TIAM1: variants seen among roughly 807,000 people sequenced by gnomAD.
TIAM1 encodes the protein rho guanine nucleotide exchange factor TIAM1.
A neutral mutation model predicts 163.5 loss-of-function variants in TIAM1; 65 were observed. The observed-to-expected ratio is 0.40, with a 90% CI of 0.33 to 0.49. The LOEUF is 0.49. Among genes scored for constraint, TIAM1 ranks in the 20% least tolerant of loss-of-function variants. The pLI, the probability that TIAM1 is intolerant of heterozygous loss-of-function variation, is 0.77. For missense variants in TIAM1, 1,789 were observed against 2,044.7 expected, an observed-to-expected ratio of 0.87 and a Z score of 2.41; for synonymous variants, 833 against 810.1, an observed-to-expected ratio of 1.03 and a Z score of -0.48.
chr21:31,391,925 A>T (rs2076971734), intron 2 of TIAM1, among the ~76,000 whole-genome samples: 1 of 152,224 alleles, frequency 6.6e-6, no homozygotes, highest in African/African-American at 2.4e-5. Context: ...AGTAGAAATC[A>T]TACTTTAAGT....
At chr21:31,380,907 T>C (rs1010316254) in intron 2 of TIAM1, among the ~76,000 whole-genome samples, 1 of 152,236 alleles carries the variant, frequency 6.6e-6, no homozygotes, top group Non-Finnish European at 1.5e-5. Context: ...CACTCACATG[T>C]TGAATGACCT....
rs536566047 is a variant in TIAM1 at position 31,200,713 on chromosome 21, C to T, written c.2493+2195G>A. The stretch of plus-strand genomic sequence containing the variant: ...GAGAACTATTTCAATATATTTAGGG[C>T]ACAGGTAAGCCTATGTATTCTATTT... On this transcript the variant is annotated intron_variant, in intron 12 of 27. Transcript: ENST00000541036. Among the ~76,000 whole-genome samples, 9 of 152,178 alleles carry T rather than the reference C, an allele frequency of 5.9e-5. No homozygotes were observed. In the South Asian group the frequency reaches 1.7e-3, roughly 28 times the overall value.
intron 1 of TIAM1, among the ~76,000 whole-genome samples, chr21:31,543,124 T>A (rs1433398561): frequency 6.6e-6 from 1 of 152,180 alleles, no homozygotes; most frequent in African/African-American, 2.4e-5. Flanking sequence ...TCAGAGTACA[T>A]GCTGCCTCAT....
intron 1 of TIAM1, among the ~76,000 whole-genome samples, chr21:31,519,036 C>T (rs896287850): frequency 8.6e-5 from 13 of 151,950 alleles, no homozygotes; most frequent in African/African-American, 3.1e-4. Context: ...CTTGGCCGGG[C>T]GCAGTGGCTC....
intron 2 of TIAM1, among the ~76,000 whole-genome samples, chr21:31,295,662 A>G (rs982552709): frequency 6.6e-4 from 100 of 152,182 alleles, no homozygotes; most frequent in African/African-American, 2.0e-3. Context: ...TTATCCTAGT[A>G]CTCAAAAGGA....
In TIAM1 at chr21:31,124,707, G is replaced by A; in HGVS notation, c.4134-13C>T. 1 of 1,549,904 alleles carries A rather than the reference G, an allele frequency of 6.5e-7. No homozygotes were observed. Among genetic ancestry groups the A allele is most frequent in the Non-Finnish European group, 8.7e-7 (1 of 1,148,204 alleles). Reference sequence around the variant, plus strand: ...GCTCTCTGGGGAGCTAGGAAAAGAAGATTTACAGATGTTAGAGAATCAGGG... The same window carrying A: ...GCTCTCTGGGGAGCTAGGAAAAGAAAATTTACAGATGTTAGAGAATCAGGG... On this transcript the variant is annotated splice_polypyrimidine_tract_variant and intron_variant, in intron 26 of 27. Transcript: ENST00000541036.
intron 11 of TIAM1, among the ~76,000 whole-genome samples, chr21:31,205,508 G>A (rs2086404504): frequency 6.6e-6 from 1 of 152,222 alleles, no homozygotes; most frequent in Non-Finnish European, 1.5e-5. Context: ...GGCACAAATA[G>A]CCTAAGGTGG....
chr21:31,347,289 A>G (rs892751565), upstream of TIAM1, among the ~76,000 whole-genome samples: 1 of 152,164 alleles, frequency 6.6e-6, no homozygotes, highest in African/African-American at 2.4e-5. Flanking sequence ...AAATACAGCA[A>G]TATCAGAACT....
At chr21:31,228,235 A>AAAAAAAAATCTGATAAGGATTTTTCCTTT (rs2088136346) in intron 6 of TIAM1, among the ~76,000 whole-genome samples, 1 of 116,822 alleles carries the variant, frequency 8.6e-6, no homozygotes, top group African/African-American at 4.8e-5. Context: ...AAAAAAAAAA[A>AAAAAAAAATCTGATAAGGATTTTTCCTTT]AAAAAAAAAA....
chr21:31,244,585 C>T (rs1014615158), intron 6 of TIAM1, among the ~76,000 whole-genome samples: 4 of 152,110 alleles, frequency 2.6e-5, no homozygotes, highest in South Asian at 2.1e-4. Context: ...ATTAGCCAGG[C>T]GTGGCAGCAG....
chr21:31,539,660 A>C (rs1444047056), intron 1 of TIAM1, among the ~76,000 whole-genome samples: 4 of 152,104 alleles, frequency 2.6e-5, no homozygotes, highest in Admixed American at 2.6e-4. Flanking sequence ...CGAAATGAGA[A>C]GGGGGAGGGC....
At chr21:31,440,015 T>G (rs184688449) in intron 2 of TIAM1, among the ~76,000 whole-genome samples, 23 of 152,240 alleles carry the variant, frequency 1.5e-4, no homozygotes, top group Admixed American at 7.8e-4. Flanking sequence ...TTACCTAACC[T>G]CTCTGTGTCT....
intron 26 of TIAM1, among the ~76,000 whole-genome samples, chr21:31,126,211 G>A (rs958446283): frequency 6.6e-6 from 1 of 152,074 alleles, no homozygotes; most frequent in African/African-American, 2.4e-5. Context: ...GTAATCCATA[G>A]TATATTAGTA....
intron 2 of TIAM1, among the ~76,000 whole-genome samples, chr21:31,313,101 C>CA (rs1305649012): frequency 2.6e-5 from 4 of 152,178 alleles, no homozygotes; most frequent in South Asian, 2.1e-4. Context: ...ACGACAAGCC[C>CA]AAACATTCTT....
At chr21:31,192,037 T>C (rs2085586788) in intron 13 of TIAM1, among the ~76,000 whole-genome samples, 2 of 152,250 alleles carry the variant, frequency 1.3e-5, no homozygotes, top group Admixed American at 1.3e-4. Context: ...CTCTAATTAC[T>C]GAGGTCGGCT....
chr21:31,202,915 T>C lies in TIAM1; in HGVS notation c.2486A>G (p.Tyr829Cys), dbSNP rs142869227. Residue 829 changes from tyrosine (Y) to cysteine (C), a missense_variant, in exon 12 of 28, where the codon TAT (tyrosine) becomes TGT (cysteine). By Grantham distance (194) the Tyr-to-Cys change is radical (BLOSUM62 -2). Transcript: ENST00000541036. ...LYVPQPEEDI[Y>C]ELLYKEIEIC... ...CAACAGTCATAACATTACCAGCTCA[T>C]AGATGTCTTCCTCGGGCTGTGGAAC... 58 of 1,613,758 alleles carry C rather than the reference T, an allele frequency of 3.6e-5. No individual in the cohort carries two copies. Among genetic ancestry groups the C allele is most frequent in the Admixed American group, 8.3e-5 (5 of 60,006 alleles).
intron 2 of TIAM1, among the ~76,000 whole-genome samples, chr21:31,394,272 A>G (rs1054901921): frequency 5.3e-5 from 8 of 152,166 alleles, no homozygotes; most frequent in African/African-American, 1.9e-4. Flanking sequence ...ACACTGTATG[A>G]CTCCAACTAC....
chr21:31,280,624 T>G lies in TIAM1; in HGVS notation c.-188-3716A>C, dbSNP rs182939184. ...TGTGTACTGGAAGTATTACCAAAAC[T>G]AATCTCAGGCTTCAAATACCCGCAA... On this transcript the variant is annotated intron_variant, in intron 2 of 27. Transcript: ENST00000541036. Among the ~76,000 whole-genome samples, 25 of 152,258 alleles carry G rather than the reference T, an allele frequency of 1.6e-4. No individual in the cohort carries two copies. The East Asian group carries it at 4.6e-3, about 28-fold the overall frequency.
At chr21:31,319,164 T>C (rs2075222216) in intron 2 of TIAM1, among the ~76,000 whole-genome samples, 1 of 152,152 alleles carries the variant, frequency 6.6e-6, no homozygotes, top group African/African-American at 2.4e-5. Context: ...GAGCTTTACT[T>C]TCTGCTGTGC....
Sources: gnomAD v4.1 joint callset for allele counts (sites outside exome capture counted in the v4.1 genomes callset) on GRCh38, gnomAD v4.1.1 for gene constraint, MANE v1.5 for transcripts, NCBI Gene and HGNC (gene_info 2026-07-23, HGNC 2026-07-21) for gene names.